Variants in NMNAT2 observed in about 807,000 individuals in gnomAD.
The protein encoded by NMNAT2 is nicotinamide/nicotinic acid mononucleotide adenylyltransferase 2.
Under a neutral mutation model 41.6 loss-of-function variants are expected in NMNAT2, and 11 were observed. The observed-to-expected ratio is 0.26, with a 90% CI of 0.17 to 0.44. The LOEUF is 0.44. Among genes scored for constraint, NMNAT2 ranks in the 20% least tolerant of loss-of-function variants. NMNAT2 has a pLI of 1.00. For missense variants in NMNAT2, 288 were observed against 407.7 expected (o/e 0.71, Z 2.53); for synonymous variants, 148 against 151.2 (o/e 0.98, Z 0.16).
At chr1:183,411,504 C>A (rs1342948682) in intron 1 of NMNAT2, among the ~76,000 whole-genome samples, 1 of 151,992 alleles carries the variant, frequency 6.6e-6, no homozygotes, top group Admixed American at 6.5e-5. Context: ...CAGGGTTTCC[C>A]CATATTGCAG....
chr1:183,258,101 T>C (rs1483995464), intron 10 of NMNAT2, among the ~76,000 whole-genome samples: 1 of 152,168 alleles, frequency 6.6e-6, no homozygotes, highest in Non-Finnish European at 1.5e-5. Flanking sequence ...ATCTTTTCCT[T>C]CCTACAGGAG....
chr1:183,411,427 C>T (rs1649113235), intron 1 of NMNAT2, among the ~76,000 whole-genome samples: 1 of 152,138 alleles, frequency 6.6e-6, no homozygotes, highest in African/African-American at 2.4e-5. Flanking sequence ...CCTCAGCCTC[C>T]TGAGTAGCTA....
intron 1 of NMNAT2, among the ~76,000 whole-genome samples, chr1:183,360,740 G>A (rs189121603): frequency 4.9e-4 from 74 of 152,310 alleles, no homozygotes; most frequent in East Asian, 3.9e-4. Flanking sequence ...ACTCCGGACC[G>A]GAGGTTGCAT....
At chr1:183,265,258 CTTTTTTTT>C (rs67117635) in intron 8 of NMNAT2, among the ~76,000 whole-genome samples, 4 of 64,526 alleles carry the variant, frequency 6.2e-5, no homozygotes, top group African/African-American at 1.9e-4. Context: ...TCTTCTTCTT[CTTTTTTTT>C]TTTTTTTTTT....
chr1:183,299,415 A>T (rs188004867), intron 1 of NMNAT2, among the ~76,000 whole-genome samples: 1 of 152,170 alleles, frequency 6.6e-6, no homozygotes, highest in African/African-American at 2.4e-5. Context: ...CAAATTATTG[A>T]TATGTGCAAG....
At chr1:183,257,136 T>G (rs1660537314) in intron 10 of NMNAT2, among the ~76,000 whole-genome samples, 1 of 152,036 alleles carries the variant, frequency 6.6e-6, no homozygotes, top group African/African-American at 2.4e-5. Context: ...CCAGCTGTAT[T>G]TCTTTGAAGA....
chr1:183,305,033 C>T (rs1235009792), intron 1 of NMNAT2, among the ~76,000 whole-genome samples: 1 of 152,286 alleles, frequency 6.6e-6, no homozygotes, highest in South Asian at 2.1e-4. Flanking sequence ...GGAAAAACTA[C>T]CCCATTCCCA....
At chr1:183,307,164 C>T (rs1039112570) in intron 1 of NMNAT2, among the ~76,000 whole-genome samples, 6 of 152,100 alleles carry the variant, frequency 3.9e-5, no homozygotes, top group Non-Finnish European at 5.9e-5. Flanking sequence ...TTCTTGGTCT[C>T]GCTGCCCCTT....
intron 8 of NMNAT2, 103 bp downstream of exon 8, chr1:183,278,450 C>G (rs1272776252): frequency 1.3e-6 from 1 of 744,986 alleles, no homozygotes. Flanking sequence ...GGACTGCCCT[C>G]TTAGAAGCTC....
chr1:183,403,379 T>A (rs1421099309), intron 1 of NMNAT2, among the ~76,000 whole-genome samples: 1 of 152,054 alleles, frequency 6.6e-6, no homozygotes, highest in Non-Finnish European at 1.5e-5. Flanking sequence ...AAAAGAAATG[T>A]GTGTGTGTAA....
intron 1 of NMNAT2, among the ~76,000 whole-genome samples, chr1:183,322,796 T>C (rs1412578195): frequency 6.6e-6 from 1 of 152,184 alleles, no homozygotes; most frequent in African/African-American, 2.4e-5. Context: ...TGATTTAAAA[T>C]ACCATCTGTC....
intron 1 of NMNAT2, among the ~76,000 whole-genome samples, chr1:183,409,196 T>A (rs1047863875): frequency 1.3e-5 from 2 of 151,632 alleles, no homozygotes; most frequent in African/African-American, 2.4e-5. Flanking sequence ...CTCTAAAAAT[T>A]AAAAAAAAAT....
At chr1:183,297,676 C>T (rs1395394146) in intron 1 of NMNAT2, among the ~76,000 whole-genome samples, 2 of 152,102 alleles carry the variant, frequency 1.3e-5, no homozygotes, top group African/African-American at 2.4e-5. Context: ...CCACCATGCC[C>T]GGCCTAGGAA....
chr1:183,279,908 G>T (rs188888746), intron 7 of NMNAT2, among the ~76,000 whole-genome samples: 1 of 152,208 alleles, frequency 6.6e-6, no homozygotes, highest in African/African-American at 2.4e-5. Context: ...CAGCCCCAGG[G>T]TCTGGCAGAG....
At chr1:183,259,016 C>A (rs1036082336) in intron 10 of NMNAT2, among the ~76,000 whole-genome samples, 1 of 152,184 alleles carries the variant, frequency 6.6e-6, no homozygotes, top group Admixed American at 6.5e-5. Context: ...ATTCCCCTGT[C>A]TTGATGAATC....
chr1:183,327,907 C>A (rs1395305182), intron 1 of NMNAT2, among the ~76,000 whole-genome samples: 1 of 152,148 alleles, frequency 6.6e-6, no homozygotes, highest in Non-Finnish European at 1.5e-5. Context: ...CCCTGGGTTT[C>A]AGAGGAGCTG....
intron 7 of NMNAT2, 88 bp downstream of exon 7, chr1:183,283,907 T>A (rs776608565): frequency 1.5e-6 from 2 of 1,326,304 alleles, no homozygotes; most frequent in Non-Finnish European, 2.2e-6. Context: ...CCCTGGGTTT[T>A]CAAGCCTCTC....
chr1:183,405,726 C>T (rs925217097), intron 1 of NMNAT2, among the ~76,000 whole-genome samples: 2 of 152,202 alleles, frequency 1.3e-5, no homozygotes, highest in Admixed American at 6.5e-5. Context: ...AGTCTCACTT[C>T]AAGAGAACTT....
At chr1:183,402,935 A>G (rs1182108657) in intron 1 of NMNAT2, among the ~76,000 whole-genome samples, 1 of 150,676 alleles carries the variant, frequency 6.6e-6, no homozygotes, top group Non-Finnish European at 1.5e-5. Flanking sequence ...ATAAGACATC[A>G]TGTCATGCAT....
Sources: allele counts gnomAD v4.1 joint callset (sites outside exome capture counted in the v4.1 genomes callset), GRCh38; gene constraint gnomAD v4.1.1; transcripts MANE v1.5; gene names NCBI Gene and HGNC (gene_info 2026-07-23, HGNC 2026-07-21).